Variants in ZNF407 observed in about 807,000 individuals in gnomAD.
ZNF407 encodes zinc finger protein 407.
A neutral mutation model predicts 131.2 loss-of-function variants in ZNF407; 17 were observed. The observed-to-expected ratio is 0.13, with a 90% confidence interval of 0.09 to 0.19. ZNF407 has a LOEUF of 0.19. ZNF407 is among the 10% of genes least tolerant of loss of function. The pLI, the probability that ZNF407 is intolerant of heterozygous loss-of-function variation, is 1.00. For missense variants in ZNF407, 2,681 were observed against 2,830.6 expected, an observed-to-expected ratio of 0.95 and a Z score of 1.20; for synonymous variants, 1,156 against 1,062.0, an observed-to-expected ratio of 1.09 and a Z score of -1.72.
chr18:74,962,130 G>T (rs76778091), intron 8 of ZNF407, among the ~76,000 whole-genome samples: 5,451 of 152,110 alleles, frequency 0.036, 357 homozygotes, highest in African/African-American at 0.12. Context: ...TTTTGACATG[G>T]TGTCAGTGGT....
chr18:74,923,378 TATA>T lies in ZNF407; in HGVS notation c.5428+2690_5428+2692del, dbSNP rs1200247276. Among the ~76,000 whole-genome samples, 4 of 152,008 alleles carry T rather than the reference TATA, an allele frequency of 2.6e-5. No homozygotes were observed. The South Asian group carries it at 6.2e-4, about 24-fold the overall frequency. On this transcript the variant is annotated intron_variant, in intron 8 of 8. Coordinates refer to ENST00000299687, the MANE Select transcript of ZNF407 (RefSeq NM_017757.3). ...GCTTAAATTTACTGTTTTTACAGAA[TATA>T]ATATGAATTATTTTAATTCTTTAAA...
chr18:74,891,065 C>CGAG (rs894833513), intron 7 of ZNF407, among the ~76,000 whole-genome samples: 5 of 152,070 alleles, frequency 3.3e-5, no homozygotes, highest in African/African-American at 1.2e-4. Flanking sequence ...TAGACTCAGG[C>CGAG]GAGGCTAAAT....
At chr18:74,833,327 A>G (rs1970510591) in intron 4 of ZNF407, among the ~76,000 whole-genome samples, 1 of 152,238 alleles carries the variant, frequency 6.6e-6, no homozygotes, top group Admixed American at 6.5e-5. Flanking sequence ...TTCTAATACT[A>G]GGGAAATAGC....
chr18:74,838,865 T>G (rs1352722850), intron 4 of ZNF407, among the ~76,000 whole-genome samples: 1 of 152,186 alleles, frequency 6.6e-6, no homozygotes, highest in East Asian at 1.9e-4. Flanking sequence ...AATTTCAAAC[T>G]GTTTTGCAGC....
intron 8 of ZNF407, among the ~76,000 whole-genome samples, chr18:75,028,520 C>A (rs1213994556): frequency 6.6e-6 from 1 of 152,170 alleles, no homozygotes; most frequent in African/African-American, 2.4e-5. Context: ...GACTTCAACA[C>A]AGGAATTTGA....
intron 3 of ZNF407, among the ~76,000 whole-genome samples, chr18:74,780,224 T>G (rs890276): frequency 0.96 from 146,644 of 152,222 alleles, 70,868 homozygotes; most frequent in East Asian, 1. Flanking sequence ...TGGTCATTTG[T>G]TCTTAAACCT....
At chr18:74,610,753 C>T (rs1320401873) in intron 1 of ZNF407, among the ~76,000 whole-genome samples, 4 of 151,926 alleles carry the variant, frequency 2.6e-5, no homozygotes, top group African/African-American at 9.7e-5. Context: ...GGGGTTTCAC[C>T]ATGTTGGCCA....
intron 8 of ZNF407, among the ~76,000 whole-genome samples, chr18:75,010,453 C>A (rs576808236): frequency 2.0e-5 from 3 of 152,242 alleles, no homozygotes; most frequent in Non-Finnish European, 2.9e-5. Flanking sequence ...CATGTGTCAC[C>A]AAAATAATAA....
chr18:74,915,551 G>A (rs1208253199), intron 7 of ZNF407, among the ~76,000 whole-genome samples: 1 of 143,558 alleles, frequency 7.0e-6, no homozygotes, highest in African/African-American at 2.6e-5. Context: ...GGTTCGAATC[G>A]GGAGTGTGTG....
At chr18:74,751,412 G>A (rs1395271039) in intron 3 of ZNF407, among the ~76,000 whole-genome samples, 9 of 151,924 alleles carry the variant, frequency 5.9e-5, no homozygotes, top group Admixed American at 5.9e-4. Flanking sequence ...TAGGGTACAT[G>A]TGCACAATGT....
chr18:74,900,338 G>A (rs1971507448), intron 7 of ZNF407, among the ~76,000 whole-genome samples: 1 of 152,130 alleles, frequency 6.6e-6, no homozygotes, highest in Non-Finnish European at 1.5e-5. Context: ...CCTTTTGGGG[G>A]TACTGCATGG....
At chr18:74,672,547 T>C (rs1437197705) in intron 3 of ZNF407, among the ~76,000 whole-genome samples, 1 of 152,150 alleles carries the variant, frequency 6.6e-6, no homozygotes, top group Admixed American at 6.5e-5. Context: ...TGGAGCACTG[T>C]TTGTTCATTG....
intron 3 of ZNF407, among the ~76,000 whole-genome samples, chr18:74,743,713 A>G (rs1252626258): frequency 1.3e-5 from 2 of 152,124 alleles, no homozygotes; most frequent in African/African-American, 4.8e-5. Context: ...TCCTTCTGCC[A>G]TTATCTCTAG....
intron 3 of ZNF407, among the ~76,000 whole-genome samples, chr18:74,661,028 C>A (rs1377802977): frequency 2.0e-5 from 3 of 152,112 alleles, no homozygotes; most frequent in Non-Finnish European, 4.4e-5. Context: ...ACCTGAAAAT[C>A]CAGTATCTAC....
At chr18:75,051,159 C>T (rs888574018) in intron 8 of ZNF407, among the ~76,000 whole-genome samples, 9 of 151,754 alleles carry the variant, frequency 5.9e-5, no homozygotes, top group African/African-American at 2.2e-4. Flanking sequence ...TGGGTGTCTA[C>T]CTAATGTCTC....
intron 4 of ZNF407, among the ~76,000 whole-genome samples, chr18:74,844,946 A>G (rs1970682481): frequency 6.6e-6 from 1 of 152,226 alleles, no homozygotes; most frequent in South Asian, 2.1e-4. Flanking sequence ...AATGATTGAA[A>G]AGCAAGTTCT....
intron 7 of ZNF407, among the ~76,000 whole-genome samples, chr18:74,906,520 A>G (rs1303298057): frequency 6.6e-6 from 1 of 152,258 alleles, no homozygotes; most frequent in Non-Finnish European, 1.5e-5. Context: ...TATGTAGAAC[A>G]CTTAAAGATA....
At chr18:74,738,136 G>A (rs989483616) in intron 3 of ZNF407, among the ~76,000 whole-genome samples, 1 of 151,992 alleles carries the variant, frequency 6.6e-6, no homozygotes, top group Non-Finnish European at 1.5e-5. Context: ...AAAAGGGGAC[G>A]TTGGGCCAGG....
chr18:74,994,852 G>C (rs1162604792), intron 8 of ZNF407, among the ~76,000 whole-genome samples: 3 of 152,138 alleles, frequency 2.0e-5, no homozygotes, highest in Non-Finnish European at 4.4e-5. Context: ...TTTGAAGACA[G>C]AGTTGAGATT....
Sources: gnomAD v4.1 joint callset for allele counts (sites outside exome capture counted in the v4.1 genomes callset) on GRCh38, gnomAD v4.1.1 for gene constraint, MANE v1.5 for transcripts, NCBI Gene and HGNC (gene_info 2026-07-23, HGNC 2026-07-21) for gene names.